The following DYNC1LI1 variants were observed in gnomAD, a reference collection of about 807,000 sequenced individuals.
DYNC1LI1 encodes cytoplasmic dynein 1 light intermediate chain 1.
A neutral mutation model predicts 63.8 loss-of-function variants in DYNC1LI1; 19 were observed. That is an observed-to-expected ratio of 0.30 (90% confidence interval 0.21 to 0.44). The LOEUF (loss-of-function observed/expected upper bound fraction) is 0.44, where lower values mean the gene tolerates loss of function less well. DYNC1LI1 is among the 20% of genes least tolerant of loss of function. The probability of loss-of-function intolerance (pLI) is 1.00; values close to 1 mark genes in which losing one functional copy is unlikely to be tolerated. For synonymous variants in DYNC1LI1, 225 were observed against 232.3 expected, an observed-to-expected ratio of 0.97 and a Z score of 0.28; for missense variants, 565 against 630.2, an observed-to-expected ratio of 0.90 and a Z score of 1.11.
chr3:32,562,166 G>A (rs1476032608), intron 2 of DYNC1LI1, among the ~76,000 whole-genome samples: 1 of 152,040 alleles, frequency 6.6e-6, no homozygotes, highest in African/African-American at 2.4e-5. Context: ...AGGAGGCTGA[G>A]GCAGGAAAAT....
intron 2 of DYNC1LI1, among the ~76,000 whole-genome samples, chr3:32,561,032 A>AAAAAAAAAAAAAC (rs1559444480): frequency 8.4e-6 from 1 of 118,766 alleles, no homozygotes; most frequent in African/African-American, 3.7e-5. Context: ...AAAAAAAAAA[A>AAAAAAAAAAAAAC]ACAAACAAAA....
chr3:32,547,947 T>C (rs549227396), intron 2 of DYNC1LI1, among the ~76,000 whole-genome samples: 30 of 152,210 alleles, frequency 2.0e-4, no homozygotes, highest in African/African-American at 6.5e-4. Flanking sequence ...TAGTATTGCA[T>C]TGTGGGTATG....
chr3:32,529,076 T>C (rs575412246), intron 11 of DYNC1LI1, among the ~76,000 whole-genome samples: 2 of 152,308 alleles, frequency 1.3e-5, no homozygotes, highest in Admixed American at 6.5e-5. Flanking sequence ...ATTTAAAGCA[T>C]GTTAATTAGG....
rs372202621 is a variant in DYNC1LI1, at chr3:32,545,109, A to G, written c.338-3T>C. On this transcript the variant is annotated splice_region_variant and splice_polypyrimidine_tract_variant and intron_variant, in intron 3 of 12. Transcript: ENST00000273130. ...CCAAACATTACATCTTGTTTGATCT[A>G]CAACAGACAAAACAAAGTAACCAAG... 21 of 1,590,592 alleles carry G rather than the reference A, an allele frequency of 1.3e-5. 2 individuals carry two copies. The African/African-American group carries it at 2.7e-4, about 20-fold the overall frequency.
chr3:32,545,149 T>A, intron 3 of DYNC1LI1, 43 bp from the exon 4 acceptor site: 1 of 1,295,778 alleles, frequency 7.7e-7, no homozygotes. Flanking sequence ...CAAGATTAAG[T>A]CATTTCATCA....
chr3:32,555,447 T>A (rs569235415), intron 2 of DYNC1LI1, among the ~76,000 whole-genome samples: 4 of 152,378 alleles, frequency 2.6e-5, no homozygotes, highest in African/African-American at 9.6e-5. Context: ...TCCAGGAATC[T>A]GATCTGAGGT....
chr3:32,544,166 A>G (rs1697920622), intron 4 of DYNC1LI1, among the ~76,000 whole-genome samples: 1 of 152,262 alleles, frequency 6.6e-6, no homozygotes, highest in Admixed American at 6.5e-5. Flanking sequence ...ATAGGCATGT[A>G]CAAAATATGT....
intron 4 of DYNC1LI1, among the ~76,000 whole-genome samples, chr3:32,544,473 A>T (rs1018293902): frequency 4.6e-5 from 7 of 152,312 alleles, no homozygotes; most frequent in African/African-American, 1.7e-4. Flanking sequence ...AGAGAATTTT[A>T]AAAACAGTAG....
chr3:32,565,060 G>C (rs2125446509), intron 2 of DYNC1LI1, among the ~76,000 whole-genome samples: 1 of 152,254 alleles, frequency 6.6e-6, no homozygotes, highest in African/African-American at 2.4e-5. Context: ...TATTACCGTG[G>C]ACTAATACCT....
At chr3:32,548,951 A>G (rs888351608) in intron 2 of DYNC1LI1, among the ~76,000 whole-genome samples, 2 of 152,168 alleles carry the variant, frequency 1.3e-5, no homozygotes, top group Non-Finnish European at 2.9e-5. Context: ...CCATCAAAAA[A>G]AGAAATTAGG....
At chr3:32,529,483 T>TA (rs1697666778) in intron 11 of DYNC1LI1, 57 bp downstream of exon 11, 1 of 1,504,120 alleles carries the variant, frequency 6.6e-7, no homozygotes, top group Non-Finnish European at 9.0e-7. Context: ...GAATTTTAGA[T>TA]AGATTTATTT....
chr3:32,553,308 C>A (rs1698069340), intron 2 of DYNC1LI1, among the ~76,000 whole-genome samples: 1 of 152,062 alleles, frequency 6.6e-6, no homozygotes, highest in Admixed American at 6.6e-5. Flanking sequence ...TGCACTCCAG[C>A]CCGGGAAGCA....
chr3:32,551,069 A>T (rs1698031543), intron 2 of DYNC1LI1, among the ~76,000 whole-genome samples: 1 of 152,192 alleles, frequency 6.6e-6, no homozygotes, highest in Admixed American at 6.5e-5. Context: ...TAAGAATATG[A>T]AGATCCTTAT....
intron 2 of DYNC1LI1, among the ~76,000 whole-genome samples, chr3:32,555,834 C>T (rs927977076): frequency 3.3e-5 from 5 of 152,182 alleles, no homozygotes; most frequent in African/African-American, 1.2e-4. Context: ...GAGAGCAGGA[C>T]ACATGTGATA....
chr3:32,537,913 A>AT, intron 5 of DYNC1LI1, among the ~76,000 whole-genome samples: 2 of 72,812 alleles, frequency 2.7e-5, no homozygotes, highest in African/African-American at 1.4e-4. Flanking sequence ...ATATATATAT[A>AT]ATTTATATAT....
intron 2 of DYNC1LI1, among the ~76,000 whole-genome samples, chr3:32,562,920 G>A (rs970945696): frequency 8.5e-5 from 13 of 152,122 alleles, no homozygotes; most frequent in South Asian, 2.1e-4. Context: ...TTTTCTCTGC[G>A]TTTTAGGCCC....
intron 2 of DYNC1LI1, among the ~76,000 whole-genome samples, chr3:32,557,477 G>A (rs577039664): frequency 1.3e-5 from 2 of 152,032 alleles, no homozygotes; most frequent in South Asian, 2.1e-4. Flanking sequence ...AGTCGAAATC[G>A]CACCACTGCA....
intron 2 of DYNC1LI1, among the ~76,000 whole-genome samples, chr3:32,547,604 A>T (rs1697973611): frequency 6.6e-6 from 1 of 152,208 alleles, no homozygotes; most frequent in Non-Finnish European, 1.5e-5. Flanking sequence ...AACAGAAAAG[A>T]AAGTCAACAC....
intron 2 of DYNC1LI1, among the ~76,000 whole-genome samples, chr3:32,550,977 T>C (rs1458061752): frequency 6.6e-6 from 1 of 150,486 alleles, no homozygotes; most frequent in Non-Finnish European, 1.5e-5. Context: ...TTTTTAAATG[T>C]GTAAAAAAAA....
Sources: allele counts gnomAD v4.1 joint callset (sites outside exome capture counted in the v4.1 genomes callset), GRCh38; gene constraint gnomAD v4.1.1; transcripts MANE v1.5; gene names NCBI Gene and HGNC (gene_info 2026-07-23, HGNC 2026-07-21).